The following RAPGEF1 variants were observed in gnomAD, a reference collection of about 807,000 sequenced individuals.
RAPGEF1 encodes CRK SH3-binding GNRP.
In RAPGEF1, 33 loss-of-function variants were observed where a neutral mutation model predicts 143.3. The ratio of observed to expected loss-of-function variants is 0.23; its 90% CI spans 0.17 to 0.31. RAPGEF1 has a LOEUF of 0.31. Ranked by LOEUF, RAPGEF1 falls within the 10% of genes least tolerant of loss-of-function variation. The probability of loss-of-function intolerance (pLI) is 1.00; values close to 1 mark genes in which losing one functional copy is unlikely to be tolerated. For synonymous variants in RAPGEF1, 629 were observed against 676.5 expected, an observed-to-expected ratio of 0.93 and a Z score of 1.09; for missense variants, 1,199 against 1,645.4, an observed-to-expected ratio of 0.73 and a Z score of 4.69.
At chr9:131,681,307 G>C (rs946879007) in intron 1 of RAPGEF1, among the ~76,000 whole-genome samples, 4 of 152,060 alleles carry the variant, frequency 2.6e-5, no homozygotes, top group African/African-American at 7.3e-5. Context: ...GCAGCACCTC[G>C]AGCGACCACT....
chr9:131,737,476 G>A, intron 1 of RAPGEF1: 1 of 1,613,706 alleles, frequency 6.2e-7, no homozygotes, highest in Non-Finnish European at 8.5e-7. Context: ...GGTTAGACAA[G>A]CTTCTCTGGG....
intron 4 of RAPGEF1, among the ~76,000 whole-genome samples, chr9:131,639,467 T>TGA (rs1219319968): frequency 2.3e-4 from 33 of 143,330 alleles, no homozygotes; most frequent in African/African-American, 8.0e-4. Flanking sequence ...TGTGTGTGTG[T>TGA]GAGAGAGAGA....
chr9:131,730,211 A>G (rs1429623832), intron 1 of RAPGEF1, among the ~76,000 whole-genome samples: 3 of 151,322 alleles, frequency 2.0e-5, no homozygotes, highest in Non-Finnish European at 4.4e-5. Flanking sequence ...AAAAAAAAAA[A>G]AAAAAGAAAC....
chr9:131,725,709 C>A (rs1208735458), intron 1 of RAPGEF1, among the ~76,000 whole-genome samples: 1 of 150,840 alleles, frequency 6.6e-6, no homozygotes, highest in Non-Finnish European at 1.5e-5. Flanking sequence ...TGTATATCTC[C>A]TTTGGAGAAA....
At position 131,577,129 on chromosome 9, in the gene RAPGEF1, GCA is replaced by G. The variant is rs1283243653; in HGVS notation, c.*2366_*2367del. 2 of 152,406 alleles carry G rather than the reference GCA, an allele frequency of 1.3e-5. No homozygotes were observed. Among genetic ancestry groups the G allele is most frequent in the African/African-American group, 2.4e-5 (1 of 41,468 alleles). 9.4% of individuals were successfully genotyped at this position (152,406 alleles called of 1,614,324 possible). On this transcript the variant is annotated 3_prime_UTR_variant, in exon 27 of 27. Coordinates refer to ENST00000683357, the MANE Select transcript of RAPGEF1 (RefSeq NM_001377935.1). ...AGCCACGGCCAGGCCGCAGCACTGA[GCA>G]CAGAGCTCAGCAATAACCAGGGCCA...
intron 1 of RAPGEF1, among the ~76,000 whole-genome samples, chr9:131,681,668 C>T (rs895366286): frequency 3.9e-5 from 6 of 152,252 alleles, no homozygotes; most frequent in African/African-American, 1.2e-4. Context: ...CCAGGCCCAA[C>T]CTCGAATTAA....
At chr9:131,608,507 G>A (rs557405257) in intron 12 of RAPGEF1, among the ~76,000 whole-genome samples, 177 of 152,280 alleles carry the variant, frequency 1.2e-3, no homozygotes, top group Non-Finnish European at 2.0e-3. Context: ...GGAGGCTCAG[G>A]GAAATGACCA....
At position 131,605,152 on chromosome 9, in the gene RAPGEF1, C is replaced by A. The variant is rs562553900; in HGVS notation, c.2098G>T (p.Val700Leu). Residue 700 changes from valine (V) to leucine (L), a missense_variant, in exon 13 of 27, where the codon GTG (valine) becomes TTG (leucine). Physicochemically the swap from Val to Leu is conservative, Grantham distance 32. This residue lies in a region of RAPGEF1 where 293 missense variants were observed against 356.2 expected (regional missense o/e 0.82). Transcript: ENST00000683357. Reference protein sequence around the residue: ...SVFRSYSQDFVPHHQASVPPF... With the variant: ...SVFRSYSQDFLPHHQASVPPF... ...GGAACGGAAGCTTGGTGGTGAGGCA[C>A]GAAATCCTGGGAGTAGGACCTAAAC... 3 of 1,360,864 alleles carry A rather than the reference C, an allele frequency of 2.2e-6. No individual in the cohort carries two copies. In the East Asian group the frequency reaches 1.4e-4, roughly 62 times the overall value. 84.3% of individuals were successfully genotyped at this position (1,360,864 alleles called of 1,614,324 possible).
chr9:131,639,476 G>C (rs1967188533), intron 4 of RAPGEF1, among the ~76,000 whole-genome samples: 1 of 151,882 alleles, frequency 6.6e-6, no homozygotes, highest in Non-Finnish European at 1.5e-5. Context: ...GTGAGAGAGA[G>C]ACCACGCTAC....
intron 1 of RAPGEF1, among the ~76,000 whole-genome samples, chr9:131,686,351 G>A (rs1426917951): frequency 6.6e-6 from 1 of 152,216 alleles, no homozygotes; most frequent in African/African-American, 2.4e-5. Context: ...ACAGCATTCT[G>A]TTCCAATGCT....
intron 1 of RAPGEF1, among the ~76,000 whole-genome samples, chr9:131,692,318 C>T (rs1833839124): frequency 6.6e-6 from 1 of 152,200 alleles, no homozygotes; most frequent in South Asian, 2.1e-4. Flanking sequence ...AACTATAGTA[C>T]ACCTGTTATT....
intron 12 of RAPGEF1, among the ~76,000 whole-genome samples, chr9:131,612,859 G>T (rs1588442649): frequency 1.3e-5 from 2 of 152,208 alleles, no homozygotes; most frequent in African/African-American, 4.8e-5. Context: ...AGACACAGCA[G>T]CCAGAGCCTC....
chr9:131,669,945 C>T (rs1831086822), intron 1 of RAPGEF1, among the ~76,000 whole-genome samples: 2 of 152,184 alleles, frequency 1.3e-5, no homozygotes, highest in Admixed American at 6.5e-5. Flanking sequence ...GAGCTGGCAG[C>T]GATGACAATG....
At chr9:131,631,967 TA>T (rs1965005547) in intron 5 of RAPGEF1, among the ~76,000 whole-genome samples, 3 of 152,210 alleles carry the variant, frequency 2.0e-5, no homozygotes, top group Non-Finnish European at 4.4e-5. Context: ...AAGCCTTAAA[TA>T]TTTGCATTAT....
intron 14 of RAPGEF1, 41 bp downstream of exon 14, chr9:131,603,920 C>T: frequency 1.6e-6 from 2 of 1,226,990 alleles, no homozygotes; most frequent in South Asian, 1.3e-5. Flanking sequence ...CAAGCCCCAC[C>T]AGGCCAGGCC....
At chr9:131,666,383 C>CA (rs1019380299) in intron 1 of RAPGEF1, among the ~76,000 whole-genome samples, 16 of 150,408 alleles carry the variant, frequency 1.1e-4, no homozygotes, top group Non-Finnish European at 2.2e-4. Context: ...GTAATTAAAA[C>CA]AAAATTTTTT....
chr9:131,644,890 A>C (rs570872867), intron 3 of RAPGEF1, among the ~76,000 whole-genome samples: 12 of 152,360 alleles, frequency 7.9e-5, no homozygotes, highest in Non-Finnish European at 1.5e-4. Context: ...TGGGAATGTC[A>C]AAAGAAAAAT....
chr9:131,732,754 A>G (rs2131344857), intron 1 of RAPGEF1, among the ~76,000 whole-genome samples: 1 of 152,294 alleles, frequency 6.6e-6, no homozygotes, highest in South Asian at 2.1e-4. Flanking sequence ...CAGAAACTAA[A>G]ATTCATTCTA....
Position 131,587,139 on chromosome 9 carries a change from AAC to A in RAPGEF1, c.3233+595_3233+596del, listed in dbSNP as rs763365306. 5.1e-4 allele frequency among the ~76,000 whole-genome samples: 45 copies of A among 87,738 alleles called. 2 individuals are homozygous for A. The highest frequency in any genetic ancestry group is 1.2e-3 in the East Asian group (4 of 3,436). The allele number at this position is 87,738 out of a possible 152,430, so 57.6% of individuals were successfully genotyped here. ...ACCTGCAGAGCGAGACTCCGTCTCA[AAC>A]ACACACACACACACACACCTGCAGA... On this transcript the variant is annotated intron_variant, in intron 22 of 26. Coordinates refer to ENST00000683357, the MANE Select transcript of RAPGEF1 (RefSeq NM_001377935.1).
Sources: gnomAD v4.1 joint callset for allele counts (sites outside exome capture counted in the v4.1 genomes callset) on GRCh38, gnomAD v4.1.1 for gene constraint, gnomAD v4.1.1 regional missense constraint, MANE v1.5 for transcripts, NCBI Gene and HGNC (gene_info 2026-07-23, HGNC 2026-07-21) for gene names.